The following COMMD1 variants were observed in gnomAD, a reference collection of about 807,000 sequenced individuals.
The protein encoded by COMMD1 is COMM domain-containing protein 1.
Under a neutral mutation model 17.2 loss-of-function variants are expected in COMMD1, and 10 were observed. The observed-to-expected ratio is 0.58, with a 90% CI of 0.36 to 0.99. The LOEUF is 0.99. Among genes scored for constraint, COMMD1 ranks in the 50% least tolerant of loss-of-function variants. COMMD1 has a pLI of 0.01. For missense variants in COMMD1, 270 were observed against 231.8 expected (o/e 1.17, Z -1.07); for synonymous variants, 97 against 91.6 (o/e 1.06, Z -0.34).
chr2:61,979,601 C>T (rs961736578), intron 1 of COMMD1, among the ~76,000 whole-genome samples: 59 of 152,082 alleles, frequency 3.9e-4, no homozygotes, highest in African/African-American at 1.2e-3. Context: ...CCACCGCGCC[C>T]GGCCTATTTT....
chr2:62,114,952 CT>C (rs1212499444), intron 2 of COMMD1, among the ~76,000 whole-genome samples: 2 of 152,012 alleles, frequency 1.3e-5, no homozygotes, highest in South Asian at 2.1e-4. Context: ...GAGTGAAGCA[CT>C]TTTTTTTCCC....
chr2:62,027,659 G>GTTGTGTTA (rs1553381179), intron 2 of COMMD1, among the ~76,000 whole-genome samples: 2 of 43,478 alleles, frequency 4.6e-5, no homozygotes, highest in East Asian at 7.6e-4. Context: ...ATGTTATGTT[G>GTTGTGTTA]TGTTATGTTA....
intron 1 of COMMD1, among the ~76,000 whole-genome samples, chr2:61,893,957 C>A (rs1393387324): frequency 6.6e-6 from 1 of 151,980 alleles, no homozygotes; most frequent in East Asian, 1.9e-4. Flanking sequence ...CCACTACTCA[C>A]GAAGTTCAGG....
rs1473560789 is a variant in COMMD1 at position 62,135,357 on chromosome 2, T to C, written c.463-474T>C. Among the ~76,000 whole-genome samples, 5 of 151,560 alleles carry C rather than the reference T, an allele frequency of 3.3e-5. No individual in the cohort carries two copies. The East Asian group carries it at 7.7e-4, about 23-fold the overall frequency. On this transcript the variant is annotated intron_variant, in intron 2 of 2. Transcript: ENST00000311832. ...ATGAAACACCATCATAAAAGCACTTTTTTTTTTTTTTGAGATGGACTCTCA... is the reference window on the plus strand; with the variant it reads ...ATGAAACACCATCATAAAAGCACTTCTTTTTTTTTTTGAGATGGACTCTCA...
chr2:62,071,317 G>A (rs13426822), intron 2 of COMMD1, among the ~76,000 whole-genome samples: 4,763 of 152,296 alleles, frequency 0.031, 192 homozygotes, highest in African/African-American at 0.087. Flanking sequence ...ATAATAAGCA[G>A]TGAGGATGAC....
intron 1 of COMMD1, among the ~76,000 whole-genome samples, chr2:61,942,924 A>AAC (rs1447520095): frequency 6.6e-6 from 1 of 151,894 alleles, no homozygotes; most frequent in Non-Finnish European, 1.5e-5. Context: ...CATATACCTA[A>AAC]ACACATATAT....
intron 1 of COMMD1, among the ~76,000 whole-genome samples, chr2:61,939,816 C>CGCA (rs1451679174): frequency 2.6e-5 from 4 of 152,170 alleles, no homozygotes; most frequent in Non-Finnish European, 5.9e-5. Flanking sequence ...TCAGAACTGC[C>CGCA]ATTCACAAGC....
intron 2 of COMMD1, among the ~76,000 whole-genome samples, chr2:62,067,802 T>C (rs1396825409): frequency 6.6e-6 from 1 of 152,174 alleles, no homozygotes; most frequent in Non-Finnish European, 1.5e-5. Flanking sequence ...GAGGATCTTC[T>C]AGAGAGAGAT....
At chr2:61,931,947 T>C (rs1405915925) in intron 1 of COMMD1, among the ~76,000 whole-genome samples, 1 of 152,194 alleles carries the variant, frequency 6.6e-6, no homozygotes, top group Non-Finnish European at 1.5e-5. Context: ...AGTTGCAGGA[T>C]TTCTATCCCA....
chr2:61,994,757 A>G (rs777051952), intron 1 of COMMD1, among the ~76,000 whole-genome samples: 2 of 152,152 alleles, frequency 1.3e-5, no homozygotes, highest in African/African-American at 4.8e-5. Flanking sequence ...TCTTGCAGAC[A>G]TGCTTTTGCC....
In COMMD1 at chr2:62,066,188, T is replaced by G. The variant is rs1187194099; in HGVS notation, c.462+65206T>G. On this transcript the variant is annotated intron_variant, in intron 2 of 2. Transcript: ENST00000311832. ...CTTGAATTATTTGTCATTTCTAATC[T>G]TACCGTTATTTCCTAAAATGACCCA... Among the ~76,000 whole-genome samples, 25 of 152,206 alleles carry G rather than the reference T, an allele frequency of 1.6e-4. 1 individual carries two copies. Among genetic ancestry groups the G allele is most frequent in the Admixed American group, 1.6e-3 (25 of 15,276 alleles).
chr2:61,947,297 T>G (rs529058396), intron 1 of COMMD1, among the ~76,000 whole-genome samples: 46 of 152,332 alleles, frequency 3.0e-4, no homozygotes, highest in African/African-American at 1.1e-3. Context: ...TAGTATAACT[T>G]AAGGTTTCAA....
At chr2:61,924,440 G>T (rs1488433581) in intron 1 of COMMD1, among the ~76,000 whole-genome samples, 2 of 144,218 alleles carry the variant, frequency 1.4e-5, no homozygotes, top group African/African-American at 5.1e-5. Context: ...ATGGTGGGGG[G>T]TCATGCTGTT....
chr2:62,050,754 C>G (rs1312275840), intron 2 of COMMD1, among the ~76,000 whole-genome samples: 1 of 152,160 alleles, frequency 6.6e-6, no homozygotes, highest in Non-Finnish European at 1.5e-5. Context: ...AAAAGTCTGT[C>G]CCTTTAAATT....
At chr2:61,918,288 C>T (rs976155023) in intron 1 of COMMD1, among the ~76,000 whole-genome samples, 3 of 152,168 alleles carry the variant, frequency 2.0e-5, no homozygotes, top group African/African-American at 7.2e-5. Flanking sequence ...TTTTAAGCGA[C>T]TAAGTTTTGC....
At chr2:61,899,825 C>T (rs539114674) in intron 1 of COMMD1, among the ~76,000 whole-genome samples, 2 of 152,190 alleles carry the variant, frequency 1.3e-5, no homozygotes, top group South Asian at 2.1e-4. Context: ...ACGTGTGCCA[C>T]CCCACCCAGC....
chr2:62,105,341 G>A (rs1001464068), intron 2 of COMMD1, among the ~76,000 whole-genome samples: 1 of 151,836 alleles, frequency 6.6e-6, no homozygotes, highest in African/African-American at 2.4e-5. Flanking sequence ...CATATTTTGG[G>A]TTTCAGATTA....
At chr2:62,021,500 G>A (rs1669613782) in intron 2 of COMMD1, among the ~76,000 whole-genome samples, 1 of 152,118 alleles carries the variant, frequency 6.6e-6, no homozygotes, top group Non-Finnish European at 1.5e-5. Context: ...AAAGTTGGAG[G>A]GGGTCAAAGA....
chr2:62,108,164 A>G (rs372686525), intron 2 of COMMD1, among the ~76,000 whole-genome samples: 14 of 152,300 alleles, frequency 9.2e-5, no homozygotes, highest in African/African-American at 3.4e-4. Flanking sequence ...TTGGCATCAC[A>G]TATATTGGCA....
Sources: gnomAD v4.1 joint callset for allele counts (sites outside exome capture counted in the v4.1 genomes callset) on GRCh38, gnomAD v4.1.1 for gene constraint, MANE v1.5 for transcripts, NCBI Gene and HGNC (gene_info 2026-07-23, HGNC 2026-07-21) for gene names.